ASIC1: variants seen among roughly 807,000 people sequenced by gnomAD.
ASIC1 encodes acid sensing ion channel subunit 1.
In ASIC1, 21 loss-of-function variants were observed where a neutral mutation model predicts 63.4. That is an observed-to-expected ratio of 0.33 (90% CI 0.23 to 0.48). The LOEUF is 0.48. Among genes scored for constraint, ASIC1 ranks in the 20% least tolerant of loss-of-function variants. ASIC1 has a pLI of 0.99. For synonymous variants in ASIC1, 258 were observed against 278.2 expected (o/e 0.93, Z 0.72); for missense variants, 478 against 695.5 (o/e 0.69, Z 3.52).
intron 3 of ASIC1, among the ~76,000 whole-genome samples, chr12:50,065,145 G>A (rs932910625): frequency 1.3e-5 from 2 of 152,140 alleles, no homozygotes; most frequent in South Asian, 4.1e-4. Context: ...AATTCTCTCC[G>A]GCCATTCTTC....
intron 9 of ASIC1, 38 bp downstream of exon 9, chr12:50,080,627 T>C (rs1310580971): frequency 6.2e-7 from 1 of 1,614,060 alleles, no homozygotes; most frequent in Non-Finnish European, 8.5e-7. Context: ...TCTCATGCCA[T>C]GGGCATGGCG....
intron 8 of ASIC1, 71 bp downstream of exon 8, chr12:50,080,126 G>T: frequency 2.6e-6 from 4 of 1,533,992 alleles, no homozygotes; most frequent in Non-Finnish European, 3.5e-6. Flanking sequence ...GGGTTTGATG[G>T]GGGCGGGGGC....
In ASIC1 at chr12:50,059,743, C is replaced by T; in HGVS notation, c.363-16C>T. On this transcript the variant is annotated splice_polypyrimidine_tract_variant and intron_variant, in intron 2 of 11. Transcript: ENST00000447966. This position sits in a 1 kb window ranked among gnomAD's most constrained non-coding sequence, Gnocchi z 4.6. ...TGACTGTACTGACCCGTGTGTCACT[C>T]ACCCCCGGACCCCAGGTATGAGATA... The T allele has an allele frequency of 6.2e-7, 1 of 1,609,210 alleles. No individual in the cohort carries two copies. Among genetic ancestry groups the T allele is most frequent in the Non-Finnish European group, 8.5e-7 (1 of 1,177,592 alleles).
chr12:50,077,261 G>A lies in ASIC1; in HGVS notation c.607G>A (p.Gly203Arg). 6.2e-7 allele frequency: 1 copy of A among 1,614,020 alleles called. No individual in the cohort carries two copies. The highest frequency in any genetic ancestry group is 8.5e-7 in the Non-Finnish European group (1 of 1,179,950). Residue 203 changes from glycine (G) to arginine (R), a missense_variant, in exon 4 of 12, where the codon GGG (glycine) becomes AGG (arginine). By Grantham distance (125) the Gly-to-Arg change is moderately radical. Coordinates refer to ENST00000447966, the MANE Select transcript of ASIC1 (RefSeq NM_001095.4). ...CTACACGTTCAACTCGGGCCGAGAT[G>A]GGCGGCCGCGGCTGAAGACCATGAA... ...KCYTFNSGRDGRPRLKTMKGG... is the reference protein window; with the variant it reads ...KCYTFNSGRDRRPRLKTMKGG...
chr12:50,059,995 A>AGAG lies in ASIC1; in HGVS notation c.558+54_558+56dup. 1.2e-6 allele frequency: 2 copies of AGAG among 1,602,836 alleles called. No homozygotes were observed. Among genetic ancestry groups the AGAG allele is most frequent in the Non-Finnish European group, 1.7e-6 (2 of 1,172,958 alleles). On this transcript the variant is annotated intron_variant, in intron 3 of 11. Transcript: ENST00000447966. The surrounding 1 kb of genome is among the most constrained non-coding windows in gnomAD (Gnocchi z 4.6). ...TGGGGTGTGAGTCAGCCTGGCCCAC[A>AGAG]GAGGAGGAGGAGGAGACAAGGAGCA...
Position 50,059,969 on chromosome 12 carries a change from G to C in ASIC1, c.558+15G>C. On this transcript the variant is annotated intron_variant, in intron 3 of 11. Coordinates refer to ENST00000447966, the MANE Select transcript of ASIC1 (RefSeq NM_001095.4). This position sits in a 1 kb window ranked among gnomAD's most constrained non-coding sequence, Gnocchi z 4.6. Reference sequence around the variant, plus strand: ...ACTTCAAGGTGGTGAGTCCCCTCGTGTGGGGTGTGAGTCAGCCTGGCCCAC... The same window carrying C: ...ACTTCAAGGTGGTGAGTCCCCTCGTCTGGGGTGTGAGTCAGCCTGGCCCAC... The C allele has an allele frequency of 6.2e-7, 1 of 1,612,356 alleles. No homozygotes were observed. Among genetic ancestry groups the C allele is most frequent in the Non-Finnish European group, 8.5e-7 (1 of 1,179,140 alleles).
intron 3 of ASIC1, 26 bp from the exon 4 acceptor site, chr12:50,077,185 CTT>C (rs1950663758): frequency 6.2e-7 from 1 of 1,603,434 alleles, no homozygotes; most frequent in African/African-American, 1.3e-5. Flanking sequence ...TGGCAGGACT[CTT>C]AGGCTCTCCA....
rs560742678 is a variant in ASIC1, at chr12:50,060,422, C to T, written c.558+468C>T. 1.7e-4 allele frequency among the ~76,000 whole-genome samples: 26 copies of T among 152,314 alleles called. 1 individual carries two copies. In the South Asian group the frequency reaches 5.4e-3, roughly 32 times the overall value. On this transcript the variant is annotated intron_variant, in intron 3 of 11. Transcript: ENST00000447966. ...CAGAATCTCCATCTAATAAGATCCT[C>T]AGGTGACTGGAGTATACACTAAAGT...
Position 50,076,002 on chromosome 12 carries a change from AACGCACAC to A in ASIC1, c.559-1208_559-1201del, listed in dbSNP as rs552760096. Among the ~76,000 whole-genome samples the A allele has an allele frequency of 1.8e-3, 270 of 152,326 alleles. 1 individual carries two copies. The highest frequency in any genetic ancestry group is 3.3e-3 in the Non-Finnish European group (225 of 68,028). ...GCCCTCCTAGTTTTGCAAAAGCATT[AACGCACAC>A]ACCATGCCCTGGGGGCTCAGTCCCA... On this transcript the variant is annotated intron_variant, in intron 3 of 11. Coordinates refer to ENST00000447966, the MANE Select transcript of ASIC1 (RefSeq NM_001095.4).
intron 3 of ASIC1, among the ~76,000 whole-genome samples, chr12:50,073,066 G>A (rs73299539): frequency 0.028 from 4,259 of 152,208 alleles, 204 homozygotes; most frequent in African/African-American, 0.096. Context: ...GATATGCTGA[G>A]GAACAGATTG....
intron 3 of ASIC1, among the ~76,000 whole-genome samples, chr12:50,071,352 C>T (rs1305084155): frequency 1.3e-5 from 2 of 150,312 alleles, no homozygotes; most frequent in African/African-American, 2.5e-5. Context: ...CTGCAAGCTC[C>T]ACCTCCTGGG....
Position 50,078,022 on chromosome 12 carries a change from CA to C in ASIC1, c.733del (p.Ile245SerfsTer125). 1 of 1,613,600 alleles carries C rather than the reference CA, an allele frequency of 6.2e-7. No individual in the cohort carries two copies. The highest frequency in any genetic ancestry group is 8.5e-7 in the Non-Finnish European group (1 of 1,179,700). On this transcript the variant is annotated frameshift_variant, in exon 5 of 12. Transcript: ENST00000447966. LOFTEE classifies it high-confidence loss of function. This position sits in a 1 kb window ranked among gnomAD's most constrained non-coding sequence, Gnocchi z 6.0. ...TAGACGAGACGTCCTTCGAAGCAGG[CA>C]TCAAAGTGCAGATCCATAGTCAGGA... The part of the protein sequence containing the change: ...ETDETSFEAG[I>X]KVQIHSQDEP...
chr12:50,062,828 C>T (rs1375400328), intron 3 of ASIC1, among the ~76,000 whole-genome samples: 1 of 152,156 alleles, frequency 6.6e-6, no homozygotes, highest in Non-Finnish European at 1.5e-5. Context: ...TAGCTCAACC[C>T]CAGGGAATAG....
chr12:50,066,063 G>A (rs1565726495), intron 3 of ASIC1, among the ~76,000 whole-genome samples: 2 of 152,242 alleles, frequency 1.3e-5, no homozygotes, highest in African/African-American at 2.4e-5. Flanking sequence ...GCAGCTTGGT[G>A]TGTGTGGCTG....
At chr12:50,075,482 T>C (rs1040527030) in intron 3 of ASIC1, among the ~76,000 whole-genome samples, 7 of 152,202 alleles carry the variant, frequency 4.6e-5, no homozygotes, top group African/African-American at 1.4e-4. Context: ...TGGGCATATG[T>C]CCAGCCTGGA....
At chr12:50,076,911 C>A in intron 3 of ASIC1, 1 of 539,570 alleles carries the variant, frequency 1.9e-6, no homozygotes, top group Non-Finnish European at 3.5e-6. Flanking sequence ...ATACCCCAAT[C>A]TTTCCTCCTG....
Position 50,074,290 on chromosome 12 carries a change from C to T in ASIC1, c.559-2923C>T, listed in dbSNP as rs1256680204. On this transcript the variant is annotated intron_variant, in intron 3 of 11. Transcript: ENST00000447966. This position sits in a 1 kb window ranked among gnomAD's most constrained non-coding sequence, Gnocchi z 4.2. ...GCCACAGTACCCCAAGAGTGTCTGC[C>T]ATGGCTGTCCCTGACTGTCACCTCC... 1 of 1,437,370 alleles carries T rather than the reference C, an allele frequency of 7.0e-7. No individual in the cohort carries two copies. The highest frequency in any genetic ancestry group is 2.5e-5 in the East Asian group (1 of 39,946). The allele number at this position is 1,437,370 out of a possible 1,614,324, so 89.0% of individuals were successfully genotyped here.
At chr12:50,063,021 A>G (rs1359923168) in intron 3 of ASIC1, among the ~76,000 whole-genome samples, 1 of 152,128 alleles carries the variant, frequency 6.6e-6, no homozygotes, top group Non-Finnish European at 1.5e-5. Context: ...CTGGCTGGGA[A>G]GGTTTCAATA....
chr12:50,069,494 A>G (rs996236918), intron 3 of ASIC1, among the ~76,000 whole-genome samples: 3 of 152,068 alleles, frequency 2.0e-5, no homozygotes, highest in African/African-American at 7.2e-5. Flanking sequence ...GGGTTTCACC[A>G]TGGTGGCCAG....
Sources: allele counts gnomAD v4.1 joint callset (sites outside exome capture counted in the v4.1 genomes callset), GRCh38; gene constraint gnomAD v4.1.1; non-coding constraint Gnocchi (gnomAD v3.1); transcripts MANE v1.5; gene names NCBI Gene and HGNC (gene_info 2026-07-23, HGNC 2026-07-21).